Variants in MRPL14 observed in about 807,000 individuals in gnomAD.
The protein encoded by MRPL14 is mitochondrial ribosomal protein L14.
Under a neutral mutation model 10.9 loss-of-function variants are expected in MRPL14, and 8 were observed. The ratio of observed to expected loss-of-function variants is 0.74; its 90% CI spans 0.43 to 1.33. MRPL14 has a LOEUF of 1.33. Among genes scored for constraint, MRPL14 ranks in the 40% most tolerant of loss-of-function variants. The pLI is 0.01. For synonymous variants in MRPL14, 82 were observed against 74.1 expected (o/e 1.11, Z -0.54); for missense variants, 179 against 194.5 (o/e 0.92, Z 0.47).
In MRPL14 at chr6:44,113,797, G is replaced by C; in HGVS notation, c.*46C>G. 6.6e-7 allele frequency: 1 copy of C among 1,521,568 alleles called. No homozygotes were observed. The highest frequency in any genetic ancestry group is 1.3e-5 in the South Asian group (1 of 75,580). The allele number at this position is 1,521,568 out of a possible 1,614,324, so 94.3% of individuals were successfully genotyped here. On this transcript the variant is annotated 3_prime_UTR_variant, in exon 3 of 3. Transcript: ENST00000372014. ...TCCCTTAGCAAAAGGGTGGTTCTCA[G>C]AACTGCTCCATTCACGAGTCCTGCA...
intron 1 of MRPL14, chr6:44,126,904 C>T (rs751028877): frequency 8.5e-5 from 13 of 152,226 alleles, no homozygotes; most frequent in Non-Finnish European, 1.9e-4. Flanking sequence ...AGCAAAAACT[C>T]AATCCTCACA....
chr6:44,123,269 G>A (rs544114196), intron 1 of MRPL14, among the ~76,000 whole-genome samples: 23 of 152,320 alleles, frequency 1.5e-4, no homozygotes, highest in African/African-American at 4.6e-4. Flanking sequence ...AAGGCAACAA[G>A]GCCCAGACCA....
chr6:44,113,896 T>TG lies in MRPL14; in HGVS notation c.384dup (p.Lys129GlnfsTer20). ...ACCTTGGAATACTCGCCTTCCCGCTTGCGCAGGCTGGTGGGGATGGGTGTC... is the reference window on the plus strand; with the variant it reads ...ACCTTGGAATACTCGCCTTCCCGCTTGGCGCAGGCTGGTGGGGATGGGTGTC... On this transcript the variant is annotated frameshift_variant, in exon 3 of 3. Transcript: ENST00000372014. LOFTEE classifies it high-confidence loss of function. 1 of 1,600,760 alleles carries TG rather than the reference T, an allele frequency of 6.2e-7. No individual in the cohort carries two copies. Among genetic ancestry groups the TG allele is most frequent in the African/African-American group, 1.3e-5 (1 of 74,612 alleles).
chr6:44,113,560 G>T lies in MRPL14; in HGVS notation c.*283C>A. On this transcript the variant is annotated 3_prime_UTR_variant, in exon 3 of 3. Transcript: ENST00000372014. Reference sequence around the variant, plus strand: ...TATAGGGTCCAAACCAGAAAAGCAAGGGCTCAGACCCTGGCACCAAGGCTG... The same window carrying T: ...TATAGGGTCCAAACCAGAAAAGCAATGGCTCAGACCCTGGCACCAAGGCTG... The T allele has an allele frequency of 3.5e-6, 1 of 287,812 alleles. No homozygotes were observed. Among genetic ancestry groups the T allele is most frequent in the Admixed American group, 4.8e-5 (1 of 20,690 alleles). 17.8% of individuals were successfully genotyped at this position (287,812 alleles called of 1,614,324 possible).
Position 44,115,306 on chromosome 6 carries a change from A to G in MRPL14, c.72-1097T>C, listed in dbSNP as rs1775737116. ...GTTCTATATATTTCCACTCTCCTCAACTCCCTACAACATGCTCTATAGATA... is the reference window on the plus strand; with the variant it reads ...GTTCTATATATTTCCACTCTCCTCAGCTCCCTACAACATGCTCTATAGATA... On this transcript the variant is annotated intron_variant, in intron 2 of 2. Transcript: ENST00000372014. Among the ~76,000 whole-genome samples, 3 of 151,638 alleles carry G rather than the reference A, an allele frequency of 2.0e-5. No homozygotes were observed. The South Asian group carries it at 6.3e-4, about 32-fold the overall frequency.
At chr6:44,114,352 G>A in intron 2 of MRPL14, 143 bp from the exon 3 acceptor site, 1 of 989,370 alleles carries the variant, frequency 1.0e-6, no homozygotes, top group Non-Finnish European at 1.5e-6. Flanking sequence ...GCAACAGAAA[G>A]TCAGGACTTT....
intron 1 of MRPL14, among the ~76,000 whole-genome samples, chr6:44,122,088 TC>T (rs1475856425): frequency 3.4e-5 from 5 of 145,318 alleles, no homozygotes; most frequent in South Asian, 2.2e-4. Flanking sequence ...TTCCCCCCCC[TC>T]TTTTTTTTTT....
rs151081711 is a variant in MRPL14, at chr6:44,113,906, G to A, written c.375C>T (p.Thr125=). The A allele has an allele frequency of 9.3e-6, 15 of 1,605,968 alleles. No individual in the cohort carries two copies. The highest frequency in any genetic ancestry group is 6.7e-5 in the Admixed American group (4 of 59,770). The change falls in exon 3 of 3, where the codon ACC becomes ACT. Residue 125 remains threonine (T), a synonymous_variant. Coordinates refer to ENST00000372014, the MANE Select transcript of MRPL14 (RefSeq NM_032111.4). ...ACTCGCCTTCCCGCTTGCGCAGGCTGGTGGGGATGGGTGTCTTAATTCGTG... is the reference window on the plus strand; with the variant it reads ...ACTCGCCTTCCCGCTTGCGCAGGCTAGTGGGGATGGGTGTCTTAATTCGTG... ...VGTRIKTPIP[T]SLRKREGEYS...
intron 1 of MRPL14, among the ~76,000 whole-genome samples, chr6:44,119,246 G>T (rs574010627): frequency 6.6e-6 from 1 of 152,170 alleles, no homozygotes; most frequent in South Asian, 2.1e-4. Flanking sequence ...ACGTCAGCTG[G>T]GCGCGGTGGC....
At chr6:44,119,438 G>C (rs1776193764) in intron 1 of MRPL14, among the ~76,000 whole-genome samples, 1 of 151,794 alleles carries the variant, frequency 6.6e-6, no homozygotes, top group South Asian at 2.1e-4. Context: ...TGAGACAGGA[G>C]AATCACTTGA....
Position 44,113,980 on chromosome 6 carries a change from C to T in MRPL14, c.301G>A (p.Asp101Asn), listed in dbSNP as rs1227135938. ...MPGPRMTPRF[D>N]SNNVVLIEDN... is the part of the protein sequence containing the mutation. ...TCAATGAGGACCACGTTGTTGGAGTCGAATCTGGGGGTCATTCGGGGGCCA... is the reference window on the plus strand; with the variant it reads ...TCAATGAGGACCACGTTGTTGGAGTTGAATCTGGGGGTCATTCGGGGGCCA... The change falls in exon 3 of 3, where the codon GAC (aspartate) becomes AAC (asparagine). Residue 101 changes from aspartate (D) to asparagine (N), a missense_variant. By Grantham distance (23) the Asp-to-Asn change is conservative. Transcript: ENST00000372014. 1.9e-6 allele frequency: 3 copies of T among 1,614,090 alleles called. No homozygotes were observed. The highest frequency in any genetic ancestry group is 1.7e-4 in the Middle Eastern group (1 of 6,058).
At position 44,117,603 on chromosome 6, in the gene MRPL14, A is replaced by G. The variant is rs546194541; in HGVS notation, c.-18-974T>C. On this transcript the variant is annotated intron_variant, in intron 1 of 2. Transcript: ENST00000372014. Reference sequence around the variant, plus strand: ...ACCACCTCAGATAAGATTTTATTTAATAAGAATGTTAGGGTGGGGCAGGGG... The same window carrying G: ...ACCACCTCAGATAAGATTTTATTTAGTAAGAATGTTAGGGTGGGGCAGGGG... Among the ~76,000 whole-genome samples the G allele has an allele frequency of 1.4e-4, 22 of 152,314 alleles. No individual in the cohort carries two copies. In the East Asian group the frequency reaches 4.2e-3, roughly 29 times the overall value.
chr6:44,124,341 T>C (rs1776731336), intron 1 of MRPL14, among the ~76,000 whole-genome samples: 1 of 152,136 alleles, frequency 6.6e-6, no homozygotes, highest in Admixed American at 6.5e-5. Flanking sequence ...GCAGAGATCA[T>C]ATTGGGAAAA....
chr6:44,114,242 G>A (rs375222533), intron 2 of MRPL14, 33 bp from the exon 3 acceptor site: 4 of 1,587,368 alleles, frequency 2.5e-6, no homozygotes, highest in Non-Finnish European at 2.6e-6. Context: ...TCTGCAGTCT[G>A]TATCTCTTAT....
rs1775583567 is a variant in MRPL14, at chr6:44,113,955, T to A, written c.326A>T (p.Glu109Val). 2 of 1,614,014 alleles carry A rather than the reference T, an allele frequency of 1.2e-6. No homozygotes were observed. Among genetic ancestry groups the A allele is most frequent in the South Asian group, 2.2e-5 (2 of 91,080 alleles). Residue 109 changes from glutamate to valine, a missense_variant, in exon 3 of 3, where the codon GAG becomes GTG. Physicochemically the swap from Glu to Val is moderately radical, Grantham distance 121. Transcript: ENST00000372014. ...RFDSNNVVLIEDNGNPVGTRI... is the reference protein window; with the variant it reads ...RFDSNNVVLIVDNGNPVGTRI... ...TGTCCCCACAGGGTTCCCGTTGTCC[T>A]CAATGAGGACCACGTTGTTGGAGTC...
At chr6:44,114,231 G>T (rs748264814) in intron 2 of MRPL14, 22 bp from the exon 3 acceptor site, 3 of 1,592,444 alleles carry the variant, frequency 1.9e-6, no homozygotes, top group Non-Finnish European at 2.6e-6. Context: ...AAAAAAAAAA[G>T]TCTGCAGTCT....
At chr6:44,119,742 G>C (rs1259549990) in intron 1 of MRPL14, among the ~76,000 whole-genome samples, 2 of 152,270 alleles carry the variant, frequency 1.3e-5, no homozygotes, top group East Asian at 3.9e-4. Context: ...CTGAAAAGCA[G>C]AGTCCTTCTG....
At chr6:44,123,145 G>A (rs901547999) in intron 1 of MRPL14, among the ~76,000 whole-genome samples, 7 of 152,202 alleles carry the variant, frequency 4.6e-5, no homozygotes, top group African/African-American at 1.7e-4. Flanking sequence ...AAGACCAACA[G>A]TCTGCAAGGG....
intron 2 of MRPL14, among the ~76,000 whole-genome samples, chr6:44,115,756 C>T (rs984693229): frequency 8.5e-5 from 13 of 152,200 alleles, no homozygotes; most frequent in South Asian, 4.1e-4. Context: ...GGAACCACTT[C>T]CCCAAGCACA....
Sources: allele counts gnomAD v4.1 joint callset (sites outside exome capture counted in the v4.1 genomes callset), GRCh38; gene constraint gnomAD v4.1.1; transcripts MANE v1.5; gene names NCBI Gene and HGNC (gene_info 2026-07-23, HGNC 2026-07-21).